Variants in REV3L observed in about 807,000 individuals in gnomAD.
REV3L encodes the protein DNA polymerase zeta catalytic subunit.
A neutral mutation model predicts 299.4 loss-of-function variants in REV3L; 69 were observed. That is an observed-to-expected ratio of 0.23 (90% CI 0.19 to 0.28). The LOEUF (loss-of-function observed/expected upper bound fraction) is 0.28, where lower values mean the gene tolerates loss of function less well. REV3L is among the 10% of genes least tolerant of loss of function. The probability of loss-of-function intolerance (pLI) is 1.00; values close to 1 mark genes in which losing one functional copy is unlikely to be tolerated. For missense variants in REV3L, 3,128 were observed against 3,693.8 expected (o/e 0.85, Z 3.97); for synonymous variants, 1,238 against 1,271.4 (o/e 0.97, Z 0.56).
rs746900084 is a variant in REV3L at position 111,367,119 on chromosome 6, T to C, written c.6669A>G (p.Ser2223=). 1 of 1,572,162 alleles carries C rather than the reference T, an allele frequency of 6.4e-7. No individual in the cohort carries two copies. Among genetic ancestry groups the C allele is most frequent in the Admixed American group, 2.0e-5 (1 of 50,312 alleles). ...TCCTGTTATTTGTACACTTACCTGT[T>C]GATAATGGGCTAAGGCCAGGTGCTT... ...LPEAPGLSPL[S]TEPKTQKLSN... Residue 2223 remains serine (S), a synonymous_variant, in exon 14 of 32, where the codon TCA becomes TCG. Transcript: ENST00000368802.
chr6:111,404,958 G>C (rs377032888), intron 4 of REV3L, among the ~76,000 whole-genome samples: 1 of 152,214 alleles, frequency 6.6e-6, no homozygotes, highest in East Asian at 1.9e-4. Context: ...GGAATGCTGA[G>C]AGACCAACAC....
chr6:111,419,421 AGTTCT>A (rs144788412), intron 1 of REV3L, among the ~76,000 whole-genome samples: 6,503 of 152,264 alleles, frequency 0.043, 440 homozygotes, highest in East Asian at 0.32. Flanking sequence ...TAAAATTTGT[AGTTCT>A]GTAATTTGCT....
chr6:111,366,334 C>G (rs1284815618), intron 14 of REV3L, among the ~76,000 whole-genome samples: 1 of 152,034 alleles, frequency 6.6e-6, no homozygotes, highest in East Asian at 1.9e-4. Flanking sequence ...AAAGAGAGAT[C>G]TGAACTGGGA....
intron 1 of REV3L, among the ~76,000 whole-genome samples, chr6:111,476,888 G>T (rs1793005803): frequency 1.3e-5 from 2 of 152,028 alleles, no homozygotes; most frequent in South Asian, 4.2e-4. Flanking sequence ...TACATTTCTG[G>T]AACCATATCT....
chr6:111,315,471 CT>C, intron 26 of REV3L, 90 bp from the exon 27 acceptor site: 2 of 911,524 alleles, frequency 2.2e-6, no homozygotes, highest in Non-Finnish European at 3.4e-6. Context: ...TGACTCTTGT[CT>C]AATGCCAAAG....
rs1437294263 is a variant in REV3L, at chr6:111,367,576, T to A, written c.6212A>T (p.Asp2071Val). The change falls in exon 14 of 32, where the codon GAT becomes GTT. Residue 2071 changes from aspartate to valine, a missense_variant. By Grantham distance (152) the Asp-to-Val change is radical. Around this residue, in one of 9 missense-constraint regions of REV3L, gnomAD observed 2,409 missense variants for 2,611.8 expected, o/e 0.92. Coordinates refer to ENST00000368802, the MANE Select transcript of REV3L (RefSeq NM_001372078.1). ...PTTAHTKEDV[D>V]NSQIALQAPT... ...TGCTTGTAAAGCAATCTGAGAATTA[T>A]CAACATCCTCCTTGGTATGTGCTGT... 1 of 1,614,100 alleles carries A rather than the reference T, an allele frequency of 6.2e-7. No individual in the cohort carries two copies. The highest frequency in any genetic ancestry group is 1.1e-5 in the South Asian group (1 of 91,080).
intron 1 of REV3L, among the ~76,000 whole-genome samples, chr6:111,439,308 G>A (rs1474694756): frequency 6.6e-6 from 1 of 152,200 alleles, no homozygotes; most frequent in Non-Finnish European, 1.5e-5. Flanking sequence ...CATCAACAAT[G>A]CATTTGGCCC....
chr6:111,395,898 G>A lies in REV3L; in HGVS notation c.566-2926C>T, dbSNP rs558489215. Among the ~76,000 whole-genome samples the A allele has an allele frequency of 5.3e-5, 8 of 152,258 alleles. No individual in the cohort carries two copies. The South Asian group carries it at 1.5e-3, about 28-fold the overall frequency. On this transcript the variant is annotated intron_variant, in intron 4 of 31. Transcript: ENST00000368802. ...ACTTATCAAGAGTTTTTACCATGAA[G>A]GGACATTGAATTTTATCAAATAACT...
intron 13 of REV3L, among the ~76,000 whole-genome samples, chr6:111,368,489 A>G (rs959026274): frequency 6.6e-6 from 1 of 152,222 alleles, no homozygotes; most frequent in Non-Finnish European, 1.5e-5. Flanking sequence ...AAAGCCAGTC[A>G]ATTCAAATGA....
At chr6:111,342,916 G>A (rs944515354) in intron 21 of REV3L, among the ~76,000 whole-genome samples, 8 of 152,112 alleles carry the variant, frequency 5.3e-5, no homozygotes, top group Non-Finnish European at 1.5e-5. Flanking sequence ...AGAAAAAAAC[G>A]CAACTGAGAC....
At chr6:111,304,322 G>GT (rs1471571751) in intron 31 of REV3L, among the ~76,000 whole-genome samples, 3 of 148,224 alleles carry the variant, frequency 2.0e-5, no homozygotes, top group Admixed American at 6.8e-5. Context: ...TTGGTACTGG[G>GT]TTACAGAGTT....
chr6:111,478,400 A>C (rs1272889313), intron 1 of REV3L, among the ~76,000 whole-genome samples: 1 of 152,216 alleles, frequency 6.6e-6, no homozygotes, highest in Non-Finnish European at 1.5e-5. Context: ...CTTTAAAAAA[A>C]GTGACCAATT....
At chr6:111,447,809 T>C (rs182883678) in intron 1 of REV3L, among the ~76,000 whole-genome samples, 4 of 152,322 alleles carry the variant, frequency 2.6e-5, no homozygotes, top group South Asian at 2.1e-4. Context: ...TGATACATAA[T>C]AGATGCTCTA....
intron 1 of REV3L, among the ~76,000 whole-genome samples, chr6:111,437,593 A>C (rs1416214334): frequency 6.6e-6 from 1 of 151,998 alleles, no homozygotes; most frequent in African/African-American, 2.4e-5. Context: ...CAGACACAAA[A>C]AATCACATAT....
intron 1 of REV3L, among the ~76,000 whole-genome samples, chr6:111,430,021 G>T (rs1041561503): frequency 1.3e-5 from 2 of 152,094 alleles, no homozygotes; most frequent in African/African-American, 4.8e-5. Context: ...TGGAAAAAGA[G>T]AAAGAAAGGA....
chr6:111,401,535 A>G (rs1783080382), intron 4 of REV3L, among the ~76,000 whole-genome samples: 1 of 152,206 alleles, frequency 6.6e-6, no homozygotes, highest in Non-Finnish European at 1.5e-5. Context: ...TGTCATCTAA[A>G]CCTGAGGTTA....
In REV3L at chr6:111,372,926, G is replaced by C. The variant is rs771198466; in HGVS notation, c.5429C>G (p.Ser1810Cys). Residue 1810 changes from serine (S) to cysteine (C), a missense_variant, in exon 13 of 32, where the codon TCT becomes TGT. This residue lies in a region of REV3L where 2,409 missense variants were observed against 2,611.8 expected (regional missense o/e 0.92). Coordinates refer to ENST00000368802, the MANE Select transcript of REV3L (RefSeq NM_001372078.1). ...QGHTRKEMGQ[S>C]LDSANTSFTA... is the part of the protein sequence containing the mutation. ...AAAAGAGGTATTGGCTGAGTCAAGA[G>C]ACTGTCCCATTTCTTTTCTGGTGTG... The C allele has an allele frequency of 1.4e-5, 23 of 1,613,954 alleles. No individual in the cohort carries two copies. The highest frequency in any genetic ancestry group is 3.3e-5 in the Admixed American group (2 of 60,006).
chr6:111,358,368 G>A (rs1272781709), intron 17 of REV3L, among the ~76,000 whole-genome samples: 3 of 152,016 alleles, frequency 2.0e-5, no homozygotes, highest in African/African-American at 7.2e-5. Flanking sequence ...TGTATTAGTA[G>A]TAAGTATTTT....
intron 1 of REV3L, among the ~76,000 whole-genome samples, chr6:111,475,963 C>T (rs910317556): frequency 9.2e-5 from 14 of 152,156 alleles, no homozygotes; most frequent in Non-Finnish European, 1.8e-4. Flanking sequence ...TTAAACAATT[C>T]TTCTTTTCCC....
Sources: gnomAD v4.1 joint callset for allele counts (sites outside exome capture counted in the v4.1 genomes callset) on GRCh38, gnomAD v4.1.1 for gene constraint, gnomAD v4.1.1 regional missense constraint, MANE v1.5 for transcripts, NCBI Gene and HGNC (gene_info 2026-07-23, HGNC 2026-07-21) for gene names.